Variants in DLGAP3 observed in about 807,000 individuals in gnomAD.
DLGAP3 encodes DLG associated protein 3.
A neutral mutation model predicts 81.2 loss-of-function variants in DLGAP3; 17 were observed. The observed-to-expected ratio is 0.21, with a 90% CI of 0.14 to 0.31. The LOEUF is 0.31. Ranked by LOEUF, DLGAP3 falls within the 10% of genes least tolerant of loss-of-function variation. The pLI, the probability that DLGAP3 is intolerant of heterozygous loss-of-function variation, is 1.00. For missense variants in DLGAP3, 1,124 were observed against 1,388.0 expected (o/e 0.81, Z 3.02); for synonymous variants, 577 against 587.4 (o/e 0.98, Z 0.26).
intron 1 of DLGAP3, among the ~76,000 whole-genome samples, chr1:34,907,840 T>C (rs912690055): frequency 1.3e-5 from 2 of 152,136 alleles, no homozygotes; most frequent in African/African-American, 4.8e-5. Context: ...GGGTTTATAG[T>C]CTAACAGGGG....
rs965980123 is a variant in DLGAP3, at chr1:34,885,662, C to T, written c.1730G>A (p.Arg577Gln). The change falls in exon 7 of 12, where the codon CGG becomes CAG. Residue 577 changes from arginine to glutamine, a missense_variant. Physicochemically the swap from Arg to Gln is conservative, Grantham distance 43. Transcript: ENST00000373347. ...CAGCCCGTCGGCGGAGCTGCAGCGC[C>T]GGGCGGGGCCCTCGGCCGCCGTGAA... ...ESFTAAEGPA[R>Q]RCSSADGLDG... 4.2e-6 allele frequency: 6 copies of T among 1,416,224 alleles called. No individual in the cohort carries two copies. The East Asian group carries it at 1.4e-4, about 32-fold the overall frequency. The allele number at this position is 1,416,224 out of a possible 1,614,324, so 87.7% of individuals were successfully genotyped here.
chr1:34,886,093 C>G lies in DLGAP3; in HGVS notation c.1579G>C (p.Val527Leu). ...TCACAGGAGCCGGGCCTCCCTGAGA[C>G]AGCGGCAGGGGTAGCGAGGAGGGGC... is the stretch of plus-strand genomic sequence containing the variant. ...CLPLLATPAA[V>L]SGRPGSSFNF... The change falls in exon 6 of 12, where the codon GTC (valine) becomes CTC (leucine). Residue 527 changes from valine to leucine, a missense_variant. Around this residue, in one of 9 missense-constraint regions of DLGAP3, gnomAD observed 379 missense variants for 455.7 expected, o/e 0.83. Coordinates refer to ENST00000373347, the MANE Select transcript of DLGAP3 (RefSeq NM_001080418.3). 1.9e-6 allele frequency: 3 copies of G among 1,606,444 alleles called. No homozygotes were observed. Among genetic ancestry groups the G allele is most frequent in the Non-Finnish European group, 2.5e-6 (3 of 1,177,592 alleles).
At chr1:34,905,736 G>A (rs573714864) in intron 2 of DLGAP3, among the ~76,000 whole-genome samples, 1 of 152,098 alleles carries the variant, frequency 6.6e-6, no homozygotes, top group South Asian at 2.1e-4. Flanking sequence ...GGGCACAGTG[G>A]TTCACACCTG....
At chr1:34,881,120 A>G (rs1355658282) in intron 8 of DLGAP3, among the ~76,000 whole-genome samples, 1 of 152,252 alleles carries the variant, frequency 6.6e-6, no homozygotes, top group African/African-American at 2.4e-5. Flanking sequence ...GCTTACAATT[A>G]TTATGATATA....
rs12075510 is a variant in DLGAP3, at chr1:34,910,217, G to A, written c.-134-2780C>T. Among the ~76,000 whole-genome samples, 496 of 152,222 alleles carry A rather than the reference G, an allele frequency of 3.3e-3. 6 individuals are homozygous for A. The highest frequency in any genetic ancestry group is 0.011 in the African/African-American group (466 of 41,514). ...CAGGTCTACATGTGATAAGGAATGC[G>A]CTCTTTATTTAAACCACTGTTGGCC... On this transcript the variant is annotated intron_variant, in intron 1 of 11. Transcript: ENST00000373347.
At chr1:34,909,711 C>G (rs1639612597) in intron 1 of DLGAP3, among the ~76,000 whole-genome samples, 1 of 152,048 alleles carries the variant, frequency 6.6e-6, no homozygotes, top group Non-Finnish European at 1.5e-5. Context: ...GATCACATTC[C>G]TCCCCCCACA....
Position 34,905,193 on chromosome 1 carries a change from C to T in DLGAP3, c.191G>A (p.Ser64Asn). 2 of 1,586,604 alleles carry T rather than the reference C, an allele frequency of 1.3e-6. No individual in the cohort carries two copies. Among genetic ancestry groups the T allele is most frequent in the South Asian group, 1.2e-5 (1 of 86,800 alleles). ...LGHISPEGPL[S>N]LSEGPSVGPE... Reference sequence around the variant, plus strand: ...GCCTACCGACGGCCCCTCACTCAGGCTCAGGGGCCCTTCAGGAGAAATGTG... The same window carrying T: ...GCCTACCGACGGCCCCTCACTCAGGTTCAGGGGCCCTTCAGGAGAAATGTG... Residue 64 changes from serine (S) to asparagine (N), a missense_variant, in exon 3 of 12, where the codon AGC (serine) becomes AAC (asparagine). Ser to Asn is a conservative substitution (Grantham distance 46, BLOSUM62 1). Transcript: ENST00000373347.
rs377135837 is a variant in DLGAP3, at chr1:34,905,347, G to A, written c.37C>T (p.Arg13Cys). The change falls in exon 3 of 12, where the codon CGC (arginine) becomes TGC (cysteine). Residue 13 changes from arginine to cysteine, a missense_variant. Arg to Cys is a radical substitution (Grantham distance 180, BLOSUM62 -3). Transcript: ENST00000373347. ...TGTTGGTCAGCAAAGCGGGCTGGGCGGGGATGGCTGCCTCGGTCGCCATGG... is the reference window on the plus strand; with the variant it reads ...TGTTGGTCAGCAAAGCGGGCTGGGCAGGGATGGCTGCCTCGGTCGCCATGG... ...GYHGDRGSHP[R>C]PARFADQQHM... 625 of 1,557,110 alleles carry A rather than the reference G, an allele frequency of 4.0e-4. 7 individuals are homozygous for A. In the South Asian group the frequency reaches 5.1e-3, roughly 13 times the overall value.
chr1:34,865,813 G>C lies in DLGAP3; in HGVS notation c.*270C>G, dbSNP rs1638864749. 1.8e-6 allele frequency: 1 copy of C among 562,278 alleles called. No homozygotes were observed. The highest frequency in any genetic ancestry group is 3.0e-5 in the Admixed American group (1 of 33,622). The allele number at this position is 562,278 out of a possible 1,614,324, so 34.8% of individuals were successfully genotyped here. ...GCAGAGATGGTGCCCATGGGGAGGA[G>C]GTGGGGACAAAGCGTCGGACCAGGT... On this transcript the variant is annotated 3_prime_UTR_variant, in exon 12 of 12. Coordinates refer to ENST00000373347, the MANE Select transcript of DLGAP3 (RefSeq NM_001080418.3).
intron 1 of DLGAP3, among the ~76,000 whole-genome samples, chr1:34,908,588 T>C (rs1639593811): frequency 6.6e-6 from 1 of 152,164 alleles, no homozygotes; most frequent in Non-Finnish European, 1.5e-5. Context: ...ATGATGTCAT[T>C]ATTAGACACA....
At chr1:34,884,211 A>C (rs984861005) in intron 8 of DLGAP3, among the ~76,000 whole-genome samples, 1 of 151,908 alleles carries the variant, frequency 6.6e-6, no homozygotes. Context: ...GAGCCACCGC[A>C]CCTGGCCTGG....
chr1:34,874,375 T>C (rs1296376096), intron 8 of DLGAP3, among the ~76,000 whole-genome samples: 3 of 152,222 alleles, frequency 2.0e-5, no homozygotes. Context: ...CTATAACAGA[T>C]GAATTTTTAG....
At chr1:34,888,237 C>G (rs1639263540) in intron 5 of DLGAP3, among the ~76,000 whole-genome samples, 1 of 152,186 alleles carries the variant, frequency 6.6e-6, no homozygotes, top group Non-Finnish European at 1.5e-5. Context: ...ATTCAGCCTC[C>G]AAAGCATAAC....
Position 34,868,793 on chromosome 1 carries a change from G to T in DLGAP3, c.2297C>A (p.Pro766His). Reference sequence around the variant, plus strand: ...CCAGGAGTCACGGCGGCCGGCCCCAGGGCCGGGGGTGGGGGCGGGGGCAGG... The same window carrying T: ...CCAGGAGTCACGGCGGCCGGCCCCATGGCCGGGGGTGGGGGCGGGGGCAGG... ...PGPAPAPTPGPGAGRRDSWIE... is the reference protein window; with the variant it reads ...PGPAPAPTPGHGAGRRDSWIE... The change falls in exon 9 of 12, where the codon CCT becomes CAT. Residue 766 changes from proline to histidine, a missense_variant. By Grantham distance (77) the Pro-to-His change is moderately conservative. This residue lies in a region of DLGAP3 where 379 missense variants were observed against 455.7 expected (regional missense o/e 0.83). Transcript: ENST00000373347. This position sits in a 1 kb window ranked among gnomAD's most constrained non-coding sequence, Gnocchi z 7.5. The T allele has an allele frequency of 6.3e-7, 1 of 1,584,656 alleles. No individual in the cohort carries two copies. The highest frequency in any genetic ancestry group is 8.5e-7 in the Non-Finnish European group (1 of 1,169,876).
chr1:34,890,744 A>G (rs1639298212), intron 5 of DLGAP3, among the ~76,000 whole-genome samples: 1 of 152,232 alleles, frequency 6.6e-6, no homozygotes, highest in Non-Finnish European at 1.5e-5. Context: ...GAGATGCTGC[A>G]GCCTTGGCCA....
rs1410055917 is a variant in DLGAP3 at position 34,878,997 on chromosome 1, A to G, written c.2000+5981T>C. Among the ~76,000 whole-genome samples the G allele has an allele frequency of 2.7e-5, 4 of 150,920 alleles. No homozygotes were observed. The East Asian group carries it at 7.9e-4, about 30-fold the overall frequency. On this transcript the variant is annotated intron_variant, in intron 8 of 11. Coordinates refer to ENST00000373347, the MANE Select transcript of DLGAP3 (RefSeq NM_001080418.3). ...TGAGGCAGGAGAATGGCGTGAACCT[A>G]GGAGGCGGAGCTTGCAGTGAGCCGA...
At chr1:34,881,908 T>C (rs956849209) in intron 8 of DLGAP3, among the ~76,000 whole-genome samples, 3 of 152,178 alleles carry the variant, frequency 2.0e-5, no homozygotes, top group African/African-American at 7.2e-5. Context: ...ACCTGACAAA[T>C]GGTATCCATC....
chr1:34,905,495 TTTA>T, intron 2 of DLGAP3, 61 bp from the exon 3 acceptor site: 1 of 1,139,732 alleles, frequency 8.8e-7, no homozygotes, highest in Non-Finnish European at 1.2e-6. Flanking sequence ...AAAACCATCT[TTTA>T]TTAGGCATCC....
In DLGAP3 at chr1:34,868,459, G is replaced by A. The variant is rs968030302; in HGVS notation, c.2485+146C>T. ...CATGTCTTGCTGCCGATGTTGACCC[G>A]CCACGCTCCAGTGCAGAAGACCAGT... On this transcript the variant is annotated intron_variant, in intron 9 of 11. Coordinates refer to ENST00000373347, the MANE Select transcript of DLGAP3 (RefSeq NM_001080418.3). This position sits in a 1 kb window ranked among gnomAD's most constrained non-coding sequence, Gnocchi z 7.5. 9.7e-6 allele frequency: 7 copies of A among 723,608 alleles called. No individual in the cohort carries two copies. The highest frequency in any genetic ancestry group is 7.0e-5 in the African/African-American group (4 of 57,490). 44.8% of individuals were successfully genotyped at this position (723,608 alleles called of 1,614,324 possible).
Sources: allele counts gnomAD v4.1 joint callset (sites outside exome capture counted in the v4.1 genomes callset), GRCh38; gene constraint gnomAD v4.1.1; regional missense constraint gnomAD v4.1.1; non-coding constraint Gnocchi (gnomAD v3.1); transcripts MANE v1.5; gene names NCBI Gene and HGNC (gene_info 2026-07-23, HGNC 2026-07-21).